The following RAB11FIP5 variants were observed in gnomAD, a reference collection of about 807,000 sequenced individuals.
The protein encoded by RAB11FIP5 is rab11 family-interacting protein 5.
In RAB11FIP5, 48 loss-of-function variants were observed where a neutral mutation model predicts 85.1. The observed-to-expected ratio is 0.56, with a 90% CI of 0.45 to 0.72. The LOEUF is 0.72. RAB11FIP5 is among the 30% of genes least tolerant of loss of function. The pLI is 0.00. For synonymous variants in RAB11FIP5, 729 were observed against 727.3 expected (o/e 1.00, Z -0.04); for missense variants, 1,491 against 1,687.0 (o/e 0.88, Z 2.04).
Position 73,088,285 on chromosome 2 carries a change from C to T in RAB11FIP5, c.1333G>A (p.Glu445Lys). Reference sequence around the variant, plus strand: ...GCTCCCTCCTTCTCTGCCACAGCCTCAGAGGAGGCCACTATGGGTGTGGCA... The same window carrying T: ...GCTCCCTCCTTCTCTGCCACAGCCTTAGAGGAGGCCACTATGGGTGTGGCA... ...QVATPIVASS[E>K]AVAEKEGARK... The change falls in exon 3 of 6, where the codon GAG becomes AAG. Residue 445 changes from glutamate (E) to lysine (K), a missense_variant. Glu to Lys is a moderately conservative substitution (Grantham distance 56). Transcript: ENST00000486777. The T allele has an allele frequency of 6.2e-7, 1 of 1,613,908 alleles. No individual in the cohort carries two copies. The highest frequency in any genetic ancestry group is 8.5e-7 in the Non-Finnish European group (1 of 1,180,002).
intron 3 of RAB11FIP5, among the ~76,000 whole-genome samples, chr2:73,083,433 C>G (rs1038738138): frequency 2.6e-5 from 4 of 152,120 alleles, no homozygotes; most frequent in East Asian, 1.9e-4. Flanking sequence ...ATCAGTTTCC[C>G]GAGAGTCTCC....
At chr2:73,102,460 A>C (rs971088201) in intron 1 of RAB11FIP5, among the ~76,000 whole-genome samples, 10 of 152,230 alleles carry the variant, frequency 6.6e-5, no homozygotes, top group Non-Finnish European at 1.2e-4. Context: ...AGGCAGCAGC[A>C]GCTAAGGTAA....
rs942968073 is a variant in RAB11FIP5 at position 73,075,901 on chromosome 2, G to A, written c.3771+92C>T. 34 of 1,501,382 alleles carry A rather than the reference G, an allele frequency of 2.3e-5. No individual in the cohort carries two copies. Among genetic ancestry groups the A allele is most frequent in the Admixed American group, 9.4e-5 (5 of 53,380 alleles). The allele number at this position is 1,501,382 out of a possible 1,614,324, so 93.0% of individuals were successfully genotyped here. ...TTCAGGACTCTGATATGGGGGACCT[G>A]GCCTGCTCCCTGCCCCACCCTCACC... On this transcript the variant is annotated intron_variant, in intron 5 of 5. Transcript: ENST00000486777. This position sits in a 1 kb window ranked among gnomAD's most constrained non-coding sequence, Gnocchi z 4.6.
chr2:73,075,119 G>T lies in RAB11FIP5; in HGVS notation c.*402C>A, dbSNP rs1683826100. On this transcript the variant is annotated 3_prime_UTR_variant, in exon 6 of 6. Coordinates refer to ENST00000486777, the MANE Select transcript of RAB11FIP5 (RefSeq NM_001371272.1). This position sits in a 1 kb window ranked among gnomAD's most constrained non-coding sequence, Gnocchi z 4.6. ...AGGGAAATGAAGGGGATGGGGCTTTGGCTGTGGGAAGAAATGGCTGACCAT... is the reference window on the plus strand; with the variant it reads ...AGGGAAATGAAGGGGATGGGGCTTTTGCTGTGGGAAGAAATGGCTGACCAT... The T allele has an allele frequency of 1.4e-5, 6 of 419,266 alleles. No individual in the cohort carries two copies. Among genetic ancestry groups the T allele is most frequent in the South Asian group, 1.1e-4 (6 of 53,918 alleles). The allele number at this position is 419,266 out of a possible 1,614,324, so 26.0% of individuals were successfully genotyped here.
Position 73,075,597 on chromosome 2 carries a change from T to C in RAB11FIP5, c.3899A>G (p.Tyr1300Cys). The C allele has an allele frequency of 6.2e-7, 1 of 1,614,176 alleles. No individual in the cohort carries two copies. Among genetic ancestry groups the C allele is most frequent in the Non-Finnish European group, 8.5e-7 (1 of 1,180,006 alleles). ...RDEHVQELES[Y>C]IDRLLVRIME... ...GATCCGCACCAGCAGCCGGTCGATG[T>C]AGCTCTCCAGCTCCTGCACATGCTC... Residue 1300 changes from tyrosine (Y) to cysteine (C), a missense_variant, in exon 6 of 6, where the codon TAC becomes TGC. Tyr to Cys is a radical substitution (Grantham distance 194). Transcript: ENST00000486777. The surrounding 1 kb of genome is among the most constrained non-coding windows in gnomAD (Gnocchi z 4.6).
chr2:73,110,705 C>A (rs1476873421), intron 1 of RAB11FIP5, among the ~76,000 whole-genome samples: 1 of 152,108 alleles, frequency 6.6e-6, no homozygotes, highest in Non-Finnish European at 1.5e-5. Flanking sequence ...ATCCAGAGGC[C>A]AAGAGGAAAG....
chr2:73,076,271 C>T, intron 4 of RAB11FIP5, 89 bp from the exon 5 acceptor site: 1 of 1,267,882 alleles, frequency 7.9e-7, no homozygotes. Flanking sequence ...GCCTCCAGGT[C>T]TGCTGGACAG....
chr2:73,076,213 A>G (rs766367522), intron 4 of RAB11FIP5, 31 bp from the exon 5 acceptor site: 5 of 1,549,386 alleles, frequency 3.2e-6, no homozygotes, highest in African/African-American at 1.4e-5. Context: ...TGGGTTACAC[A>G]GAGAGAAGGG....
Position 73,080,128 on chromosome 2 carries a change from C to T in RAB11FIP5, c.3104G>A (p.Gly1035Asp). 2 of 1,232,212 alleles carry T rather than the reference C, an allele frequency of 1.6e-6. No homozygotes were observed. Among genetic ancestry groups the T allele is most frequent in the Non-Finnish European group, 2.0e-6 (2 of 988,032 alleles). The allele number at this position is 1,232,212 out of a possible 1,614,324, so 76.3% of individuals were successfully genotyped here. ...GEGPEAPEAQ[G>D]QDPVGEGLGS... ...AAGCCCCTCTCCTACTGGATCCTGG[C>T]CCTGGGCCTCAGGAGCCTCAGGGCC... The change falls in exon 4 of 6, where the codon GGC becomes GAC. Residue 1035 changes from glycine to aspartate, a missense_variant. Transcript: ENST00000486777.
At position 73,083,060 on chromosome 2, in the gene RAB11FIP5, C is replaced by G. The variant is rs186745932; in HGVS notation, c.1569-1397G>C. Among the ~76,000 whole-genome samples the G allele has an allele frequency of 1.4e-4, 22 of 152,362 alleles. No individual in the cohort carries two copies. The South Asian group carries it at 1.7e-3, about 11-fold the overall frequency. Reference sequence around the variant, plus strand: ...AGGTGGAAATATCCTGGGGAAACCCCTACACATCCGACTTTTCAAGCCAAC... The same window carrying G: ...AGGTGGAAATATCCTGGGGAAACCCGTACACATCCGACTTTTCAAGCCAAC... On this transcript the variant is annotated intron_variant, in intron 3 of 5. Coordinates refer to ENST00000486777, the MANE Select transcript of RAB11FIP5 (RefSeq NM_001371272.1).
rs17008666 is a variant in RAB11FIP5, at chr2:73,075,623, G to C, written c.3873C>G (p.Asp1291Glu). 5.6e-6 allele frequency: 9 copies of C among 1,613,918 alleles called. No homozygotes were observed. Among genetic ancestry groups the C allele is most frequent in the African/African-American group, 1.3e-5 (1 of 74,914 alleles). The change falls in exon 6 of 6, where the codon GAC becomes GAG. Residue 1291 changes from aspartate to glutamate, a missense_variant. This residue lies in a region of RAB11FIP5 where 232 missense variants were observed against 259.1 expected (regional missense o/e 0.90). Coordinates refer to ENST00000486777, the MANE Select transcript of RAB11FIP5 (RefSeq NM_001371272.1). This position sits in a 1 kb window ranked among gnomAD's most constrained non-coding sequence, Gnocchi z 4.6. ...AGCTCTCCAGCTCCTGCACATGCTC[G>C]TCCCGCTGGCTCAGCTCCCGCTCCC... ...LQRERELSQR[D>E]EHVQELESYI...
At chr2:73,091,387 G>A (rs1037566505) in intron 1 of RAB11FIP5, among the ~76,000 whole-genome samples, 4 of 152,114 alleles carry the variant, frequency 2.6e-5, no homozygotes, top group South Asian at 2.1e-4. Flanking sequence ...AATAAAGCCC[G>A]GTGGTAGTGG....
rs1683786790 is a variant in RAB11FIP5, at chr2:73,073,670, TA to T, written c.*1850del. On this transcript the variant is annotated 3_prime_UTR_variant, in exon 6 of 6. Coordinates refer to ENST00000486777, the MANE Select transcript of RAB11FIP5 (RefSeq NM_001371272.1). ...GAATAAAGCCCAGAGGAATCCCCAGTAGGGGGGGTGACTCCCCCTCTCTCAG... is the reference window on the plus strand; with the variant it reads ...GAATAAAGCCCAGAGGAATCCCCAGTGGGGGGGTGACTCCCCCTCTCTCAG... The T allele has an allele frequency of 6.6e-6, 1 of 152,188 alleles. No homozygotes were observed. Among genetic ancestry groups the T allele is most frequent in the Admixed American group, 6.5e-5 (1 of 15,288 alleles). 9.4% of individuals were successfully genotyped at this position (152,188 alleles called of 1,614,324 possible).
chr2:73,101,486 T>C (rs1032059361), intron 1 of RAB11FIP5, among the ~76,000 whole-genome samples: 1 of 152,160 alleles, frequency 6.6e-6, no homozygotes, highest in Non-Finnish European at 1.5e-5. Flanking sequence ...ATTAAGGTTA[T>C]GTTTTTTCTA....
At position 73,099,033 on chromosome 2, in the gene RAB11FIP5, G is replaced by GT. The variant is rs112316838; in HGVS notation, c.432-9719dup. On this transcript the variant is annotated intron_variant, in intron 1 of 5. Transcript: ENST00000486777. The stretch of plus-strand genomic sequence containing the variant: ...ATGTTTCTTTAGTAAATGCTTTTTT[G>GT]TTTTTTTTTTCTTTTTTCTTTTTTT... 7.3e-4 allele frequency among the ~76,000 whole-genome samples: 99 copies of GT among 136,012 alleles called. No homozygotes were observed. In the South Asian group the frequency reaches 9.3e-3, roughly 13 times the overall value. The allele number at this position is 136,012 out of a possible 152,430, so 89.2% of individuals were successfully genotyped here.
At position 73,076,001 on chromosome 2, in the gene RAB11FIP5, T is replaced by C; in HGVS notation, c.3763A>G (p.Arg1255Gly). Reference sequence around the variant, plus strand: ...ACCCTGCTGGGCCTTACCTTCAGCCTTTTGGTGTCCACCATCTGGCCAGCC... The same window carrying C: ...ACCCTGCTGGGCCTTACCTTCAGCCCTTTGGTGTCCACCATCTGGCCAGCC... Reference protein sequence around the residue: ...PQAGQMVDTKRLKDSAVLDQS... With the variant: ...PQAGQMVDTKGLKDSAVLDQS... The change falls in exon 5 of 6, where the codon AGG becomes GGG. Residue 1255 changes from arginine (R) to glycine (G), a missense_variant. This residue lies in a region of RAB11FIP5 where 232 missense variants were observed against 259.1 expected (regional missense o/e 0.90). Coordinates refer to ENST00000486777, the MANE Select transcript of RAB11FIP5 (RefSeq NM_001371272.1). The C allele has an allele frequency of 6.2e-7, 1 of 1,612,934 alleles. No individual in the cohort carries two copies. Among genetic ancestry groups the C allele is most frequent in the Non-Finnish European group, 8.5e-7 (1 of 1,179,098 alleles).
intron 1 of RAB11FIP5, among the ~76,000 whole-genome samples, chr2:73,100,392 C>T (rs1432069647): frequency 1.3e-5 from 2 of 150,528 alleles, no homozygotes; most frequent in Admixed American, 1.3e-4. Flanking sequence ...AAGTCATCAC[C>T]AAACTGAAAA....
chr2:73,075,014 G>A lies in RAB11FIP5; in HGVS notation c.*507C>T. The A allele has an allele frequency of 2.8e-6, 1 of 356,954 alleles. No individual in the cohort carries two copies. Among genetic ancestry groups the A allele is most frequent in the Non-Finnish European group, 5.5e-6 (1 of 181,372 alleles). The allele number at this position is 356,954 out of a possible 1,614,324, so 22.1% of individuals were successfully genotyped here. A position where few individuals can be genotyped will look rare whatever the true frequency, so the allele number is the denominator to read the frequency against. On this transcript the variant is annotated 3_prime_UTR_variant, in exon 6 of 6. Transcript: ENST00000486777. This position sits in a 1 kb window ranked among gnomAD's most constrained non-coding sequence, Gnocchi z 4.6. ...AGGGGAATGGGTGTGAGGCTGAAGAGGCTGGTTGCCCGTAACTCACAGACA... is the reference window on the plus strand; with the variant it reads ...AGGGGAATGGGTGTGAGGCTGAAGAAGCTGGTTGCCCGTAACTCACAGACA...
Position 73,075,533 on chromosome 2 carries a change from G to A in RAB11FIP5, c.3963C>T (p.Gly1321=), listed in dbSNP as rs149355459. The change falls in exon 6 of 6, where the codon GGC becomes GGT. Residue 1321 remains glycine, a synonymous_variant. Coordinates refer to ENST00000486777, the MANE Select transcript of RAB11FIP5 (RefSeq NM_001371272.1). This position sits in a 1 kb window ranked among gnomAD's most constrained non-coding sequence, Gnocchi z 4.6. ...TSPTLLQIPP[G]PPK ...AGGGTGAGGAAGGCTATTTGGGGGGGCCCGGGGGGATCTGCAGCAGCGTGG... is the reference window on the plus strand; with the variant it reads ...AGGGTGAGGAAGGCTATTTGGGGGGACCCGGGGGGATCTGCAGCAGCGTGG... The A allele has an allele frequency of 2.7e-4, 442 of 1,614,010 alleles. 2 individuals are homozygous for A. In the African/African-American group the frequency reaches 5.2e-3, roughly 19 times the overall value.
Sources: allele counts gnomAD v4.1 joint callset (sites outside exome capture counted in the v4.1 genomes callset), GRCh38; gene constraint gnomAD v4.1.1; regional missense constraint gnomAD v4.1.1; non-coding constraint Gnocchi (gnomAD v3.1); transcripts MANE v1.5; gene names NCBI Gene and HGNC (gene_info 2026-07-23, HGNC 2026-07-21).